The following ADSS1 variants were observed in gnomAD, a reference collection of about 807,000 sequenced individuals.
The protein encoded by ADSS1 is adenylosuccinate synthase 1, also known as adenylosuccinate synthetase isozyme 1.
Under a neutral mutation model 59.1 loss-of-function variants are expected in ADSS1, and 57 were observed. The observed-to-expected ratio is 0.97, with a 90% CI of 0.78 to 1.20. The LOEUF (loss-of-function observed/expected upper bound fraction) is 1.20. Ranked by LOEUF, ADSS1 falls within the 50% of genes most tolerant of loss-of-function variation. ADSS1 has a pLI of 0.00. For synonymous variants in ADSS1, 247 were observed against 249.4 expected, an observed-to-expected ratio of 0.99 and a Z score of 0.09; for missense variants, 603 against 610.3, an observed-to-expected ratio of 0.99 and a Z score of 0.13.
At chr14:104,734,056 C>G (rs980110666) in intron 1 of ADSS1, among the ~76,000 whole-genome samples, 1 of 152,212 alleles carries the variant, frequency 6.6e-6, no homozygotes, top group African/African-American at 2.4e-5. Flanking sequence ...TATCCCTTGC[C>G]GTTGGTGGGG....
intron 12 of ADSS1, 44 bp from the exon 13 acceptor site, chr14:104,746,907 T>C (rs1315020062): frequency 6.2e-7 from 1 of 1,605,430 alleles, no homozygotes; most frequent in Non-Finnish European, 8.5e-7. Flanking sequence ...TTCTGAACTT[T>C]CTGCCTCCAG....
chr14:104,741,369 TC>T, intron 8 of ADSS1, 126 bp downstream of exon 8: 1 of 1,275,046 alleles, frequency 7.8e-7, no homozygotes, highest in Non-Finnish European at 1.1e-6. Context: ...CACAGTGCCA[TC>T]CATGCCCGCG....
intron 1 of ADSS1, among the ~76,000 whole-genome samples, chr14:104,734,656 G>C (rs1014964657): frequency 6.6e-6 from 1 of 152,196 alleles, no homozygotes; most frequent in Admixed American, 6.5e-5. Context: ...TTTGGCCGTG[G>C]GGGTGCTGAA....
At chr14:104,745,607 T>C (rs1010117541) in intron 11 of ADSS1, 1 of 152,816 alleles carries the variant, frequency 6.5e-6, no homozygotes, top group African/African-American at 2.4e-5. Context: ...GAGCCATGTG[T>C]GTCCTTGCAG....
chr14:104,730,317 CG>C, intron 1 of ADSS1: 2 of 1,251,274 alleles, frequency 1.6e-6, no homozygotes, highest in Non-Finnish European at 2.1e-6. Flanking sequence ...AAGTGAAACC[CG>C]GTTTCTACTA....
intron 1 of ADSS1, among the ~76,000 whole-genome samples, chr14:104,728,823 T>C (rs886502123): frequency 6.6e-6 from 1 of 152,138 alleles, no homozygotes; most frequent in Non-Finnish European, 1.5e-5. Flanking sequence ...GCAGGAGAGC[T>C]GGTCGCTCCC....
At chr14:104,725,765 C>T (rs537000265) in intron 1 of ADSS1, among the ~76,000 whole-genome samples, 29 of 152,310 alleles carry the variant, frequency 1.9e-4, no homozygotes, top group South Asian at 4.1e-4. Context: ...CCCTCCAGGG[C>T]GCCCTCAGCG....
chr14:104,739,986 C>T (rs1452660432), intron 5 of ADSS1, among the ~76,000 whole-genome samples, 170 bp downstream of exon 5: 2 of 152,148 alleles, frequency 1.3e-5, no homozygotes, highest in East Asian at 1.9e-4. Context: ...AACCCCCGGA[C>T]GAGCCAGCCC....
chr14:104,735,769 A>C (rs1372609363), intron 2 of ADSS1, among the ~76,000 whole-genome samples: 1 of 151,856 alleles, frequency 6.6e-6, no homozygotes, highest in Non-Finnish European at 1.5e-5. Flanking sequence ...CTCTGTCCCC[A>C]GGGTTCCGTG....
rs751442286 is a variant in ADSS1, at chr14:104,735,002, G to T, written c.193-18G>T. The T allele has an allele frequency of 3.7e-6, 6 of 1,610,014 alleles. No individual in the cohort carries two copies. The highest frequency in any genetic ancestry group is 4.2e-6 in the Non-Finnish European group (5 of 1,177,038). On this transcript the variant is annotated intron_variant, in intron 1 of 12. Coordinates refer to ENST00000330877, the MANE Select transcript of ADSS1 (RefSeq NM_152328.5). Reference sequence around the variant, plus strand: ...TCAGTACCCAAGTGCCTTCAGCTCAGCCGGGTTTCTGTTCCAGGGGGGCAA... The same window carrying T: ...TCAGTACCCAAGTGCCTTCAGCTCATCCGGGTTTCTGTTCCAGGGGGGCAA...
intron 1 of ADSS1, among the ~76,000 whole-genome samples, chr14:104,725,539 G>A (rs148100602): frequency 4.9e-4 from 75 of 152,238 alleles, no homozygotes; most frequent in African/African-American, 1.6e-3. Flanking sequence ...CCCTCCTGCC[G>A]GAAGGGACTG....
rs1264169957 is a variant in ADSS1, at chr14:104,743,107, G to T, written c.989G>T (p.Gly330Val). 1.2e-6 allele frequency: 2 copies of T among 1,613,172 alleles called. No homozygotes were observed. Among genetic ancestry groups the T allele is most frequent in the South Asian group, 2.2e-5 (2 of 91,078 alleles). Residue 330 changes from glycine (G) to valine (V), a missense_variant, in exon 10 of 13, where the codon GGA (glycine) becomes GTA (valine). Physicochemically the swap from Gly to Val is moderately radical, Grantham distance 109. Coordinates refer to ENST00000330877, the MANE Select transcript of ADSS1 (RefSeq NM_152328.5). Reference protein sequence around the residue: ...GLLQTRGHEWGVTTGRKRRCG... With the variant: ...GLLQTRGHEWVVTTGRKRRCG... The stretch of plus-strand genomic sequence containing the variant: ...CTGCAGACCCGCGGCCACGAGTGGG[G>T]AGTGACCACAGGCAGGAAGAGGCGC...
intron 1 of ADSS1, 38 bp from the exon 2 acceptor site, chr14:104,734,982 A>G (rs1056362164): frequency 3.8e-6 from 6 of 1,590,008 alleles, no homozygotes; most frequent in Non-Finnish European, 5.2e-6. Context: ...GGTCCTCAGT[A>G]CCCAAGTGCC....
intron 1 of ADSS1, among the ~76,000 whole-genome samples, chr14:104,730,967 G>GGGA (rs1890909045): frequency 8.8e-6 from 1 of 114,224 alleles, no homozygotes; most frequent in Non-Finnish European, 2.0e-5. Context: ...GTGGGGGGGG[G>GGGA]GGGGGGGCTC....
intron 12 of ADSS1, 67 bp downstream of exon 12, chr14:104,746,452 C>A: frequency 6.5e-6 from 10 of 1,543,046 alleles, no homozygotes; most frequent in Non-Finnish European, 8.8e-6. Context: ...CACATCCCAG[C>A]GCAGGGCTTG....
In ADSS1 at chr14:104,735,201, G is replaced by A. The variant is rs1167614138; in HGVS notation, c.295+79G>A. On this transcript the variant is annotated intron_variant, in intron 2 of 12. Transcript: ENST00000330877. The stretch of plus-strand genomic sequence containing the variant: ...CCAGGAGCCCCACGCATGGGGGCAC[G>A]GGGCACCAGAGCCTGGTGATGACTG... 6.5e-5 allele frequency: 85 copies of A among 1,311,410 alleles called. 2 individuals are homozygous for A. The South Asian group carries it at 1.0e-3, about 16-fold the overall frequency. The allele number at this position is 1,311,410 out of a possible 1,614,324, so 81.2% of individuals were successfully genotyped here.
At chr14:104,735,771 G>T (rs984965224) in intron 2 of ADSS1, among the ~76,000 whole-genome samples, 3 of 152,108 alleles carry the variant, frequency 2.0e-5, no homozygotes, top group African/African-American at 7.2e-5. Flanking sequence ...CTGTCCCCAG[G>T]GTTCCGTGGC....
intron 1 of ADSS1, chr14:104,729,941 C>A: frequency 6.4e-7 from 1 of 1,568,924 alleles, no homozygotes; most frequent in East Asian, 2.4e-5. Flanking sequence ...AGGAGGTGGG[C>A]AGAGGCCCAC....
chr14:104,740,995 T>C lies in ADSS1; in HGVS notation c.666+75T>C. On this transcript the variant is annotated intron_variant, in intron 7 of 12. Coordinates refer to ENST00000330877, the MANE Select transcript of ADSS1 (RefSeq NM_152328.5). The surrounding 1 kb of genome is among the most constrained non-coding windows in gnomAD (Gnocchi z 4.8). ...GGCTGGATGTCCTACCTGGTGCTCG[T>C]TGAACACCCTTGGGGCACACCTGAT... 2 of 1,607,718 alleles carry C rather than the reference T, an allele frequency of 1.2e-6. No homozygotes were observed. The highest frequency in any genetic ancestry group is 1.7e-6 in the Non-Finnish European group (2 of 1,175,334).
Sources: gnomAD v4.1 joint callset for allele counts (sites outside exome capture counted in the v4.1 genomes callset) on GRCh38, gnomAD v4.1.1 for gene constraint, Gnocchi (gnomAD v3.1) non-coding constraint, MANE v1.5 for transcripts, NCBI Gene and HGNC (gene_info 2026-07-23, HGNC 2026-07-21) for gene names.